The following COL2A1 variants were observed in gnomAD, a reference collection of about 807,000 sequenced individuals.
COL2A1 encodes the protein collagen alpha-1(II) chain.
A neutral mutation model predicts 204.5 loss-of-function variants in COL2A1; 28 were observed. The observed-to-expected ratio is 0.14, with a 90% CI of 0.10 to 0.19. The LOEUF (loss-of-function observed/expected upper bound fraction) is 0.19. Ranked by LOEUF, COL2A1 falls within the 10% of genes least tolerant of loss-of-function variation. The pLI is 1.00. For missense variants in COL2A1, 1,388 were observed against 2,027.5 expected (o/e 0.68, Z 6.06); for synonymous variants, 708 against 718.7 (o/e 0.99, Z 0.24).
At position 47,987,182 on chromosome 12, in the gene COL2A1, G is replaced by A; in HGVS notation, c.1267-6C>T. The stretch of plus-strand genomic sequence containing the variant: ...CCAGCAATGCCAGGAGCACCCTGTG[G>A]GCATGAGAAGAAGGGAGGGGTGTCA... On this transcript the variant is annotated splice_polypyrimidine_tract_variant and splice_region_variant and intron_variant, in intron 20 of 53. Coordinates refer to ENST00000380518, the MANE Select transcript of COL2A1 (RefSeq NM_001844.5). This position sits in a 1 kb window ranked among gnomAD's most constrained non-coding sequence, Gnocchi z 4.1. 1 of 1,613,966 alleles carries A rather than the reference G, an allele frequency of 6.2e-7. No homozygotes were observed. Among genetic ancestry groups the A allele is most frequent in the Middle Eastern group, 1.6e-4 (1 of 6,062 alleles).
intron 1 of COL2A1, among the ~76,000 whole-genome samples, chr12:48,000,547 G>A (rs1940186366): frequency 2.0e-5 from 3 of 152,126 alleles, no homozygotes; most frequent in South Asian, 4.1e-4. Flanking sequence ...GAAAAATGGC[G>A]AGACCTCCCT....
In COL2A1 at chr12:47,974,685, C is replaced by T. The variant is rs201646745; in HGVS notation, c.4064G>A (p.Gly1355Asp). The T allele has an allele frequency of 2.1e-4, 336 of 1,614,082 alleles. 1 individual carries two copies. Among genetic ancestry groups the T allele is most frequent in the Non-Finnish European group, 2.6e-4 (306 of 1,180,032 alleles). Reference sequence around the variant, plus strand: ...CACCCAGGTACTCACATGGAAGCCACCATTGATGGTTTCTCCAAACCAGAT... The same window carrying T: ...CACCCAGGTACTCACATGGAAGCCATCATTGATGGTTTCTCCAAACCAGAT... ...KHIWFGETIN[G>D]GFHFSYGDDN... The change falls in exon 52 of 54, where the codon GGT becomes GAT. Residue 1355 changes from glycine (G) to aspartate (D), a missense_variant. Transcript: ENST00000380518.
At chr12:47,993,610 A>G in intron 14 of COL2A1, 108 bp from the exon 15 acceptor site, 2 of 1,157,534 alleles carry the variant, frequency 1.7e-6, no homozygotes, top group Non-Finnish European at 2.6e-6. Flanking sequence ...GCACTGACAC[A>G]AACTTCAGTC....
chr12:48,001,834 C>G (rs1940249452), intron 1 of COL2A1, among the ~76,000 whole-genome samples: 1 of 152,254 alleles, frequency 6.6e-6, no homozygotes, highest in Non-Finnish European at 1.5e-5. Context: ...TGCTCCAAAA[C>G]GGCTGCCGAT....
chr12:47,981,834 G>A lies in COL2A1; in HGVS notation c.2356-5C>T, dbSNP rs41263863. On this transcript the variant is annotated splice_region_variant and splice_polypyrimidine_tract_variant and intron_variant, in intron 35 of 53. Coordinates refer to ENST00000380518, the MANE Select transcript of COL2A1 (RefSeq NM_001844.5). Reference sequence around the variant, plus strand: ...GCCAATGGGACCTGTCAGGCCCTGCGGGGAGAGCAGGTAGAGGTGAGGGAG... The same window carrying A: ...GCCAATGGGACCTGTCAGGCCCTGCAGGGAGAGCAGGTAGAGGTGAGGGAG... 2.6e-5 allele frequency: 41 copies of A among 1,553,668 alleles called. No homozygotes were observed. The highest frequency in any genetic ancestry group is 9.6e-5 in the African/African-American group (7 of 73,128).
chr12:47,984,099 G>A lies in COL2A1; in HGVS notation c.1929C>T (p.Pro643=), dbSNP rs375813386. Residue 643 remains proline (P), a synonymous_variant, in exon 29 of 54, where the codon CCC becomes CCT. Transcript: ENST00000380518. ...GGCAGGTACTTACAGCAGGGCCAGG[G>A]GGTCCTGCAGCACCTGTCTCACCAT... ...GKDGETGAAG[P]PGPAGPAGER... is the part of the protein sequence containing the mutation. 2 of 1,613,262 alleles carry A rather than the reference G, an allele frequency of 1.2e-6. No individual in the cohort carries two copies. The highest frequency in any genetic ancestry group is 1.7e-6 in the Non-Finnish European group (2 of 1,179,706).
At chr12:47,988,801 G>A (rs905475625) in intron 18 of COL2A1, among the ~76,000 whole-genome samples, 2 of 152,238 alleles carry the variant, frequency 1.3e-5, no homozygotes, top group Non-Finnish European at 2.9e-5. Flanking sequence ...CAGAAACCCA[G>A]AGGGGAGCAG....
chr12:47,994,535 G>A, intron 11 of COL2A1, 58 bp from the exon 12 acceptor site: 2 of 1,579,126 alleles, frequency 1.3e-6, no homozygotes, highest in African/African-American at 1.3e-5. Context: ...CATAGTGGGG[G>A]CACCCCAGAG....
chr12:47,976,482 C>G lies in COL2A1; in HGVS notation c.3489+32G>C, dbSNP rs766082340. 1 of 1,611,444 alleles carries G rather than the reference C, an allele frequency of 6.2e-7. No individual in the cohort carries two copies. The highest frequency in any genetic ancestry group is 8.5e-7 in the Non-Finnish European group (1 of 1,177,604). ...ACACAGGCCCACACTCTCTGAAGGGCCCCCTCCATCTTCCAACTCCATGTC... is the reference window on the plus strand; with the variant it reads ...ACACAGGCCCACACTCTCTGAAGGGGCCCCTCCATCTTCCAACTCCATGTC... On this transcript the variant is annotated intron_variant, in intron 49 of 53. Transcript: ENST00000380518. The surrounding 1 kb of genome is among the most constrained non-coding windows in gnomAD (Gnocchi z 4.3).
chr12:48,003,273 G>A (rs1940319483), intron 1 of COL2A1, among the ~76,000 whole-genome samples: 1 of 152,044 alleles, frequency 6.6e-6, no homozygotes, highest in South Asian at 2.1e-4. Context: ...TGTAGCAACC[G>A]TAGCAATCGA....
At chr12:48,001,636 G>A (rs1179042466) in intron 1 of COL2A1, among the ~76,000 whole-genome samples, 1 of 152,230 alleles carries the variant, frequency 6.6e-6, no homozygotes, top group African/African-American at 2.4e-5. Context: ...CGCCGGCGCA[G>A]GGGCGGGGCC....
chr12:47,976,696 G>A lies in COL2A1; in HGVS notation c.3435+116C>T. The A allele has an allele frequency of 7.2e-7, 1 of 1,379,718 alleles. No homozygotes were observed. Among genetic ancestry groups the A allele is most frequent in the Non-Finnish European group, 1.0e-6 (1 of 982,936 alleles). 85.5% of individuals were successfully genotyped at this position (1,379,718 alleles called of 1,614,324 possible). On this transcript the variant is annotated intron_variant, in intron 48 of 53. Transcript: ENST00000380518. The surrounding 1 kb of genome is among the most constrained non-coding windows in gnomAD (Gnocchi z 4.3). ...CACTTCCTCCTCCCTCCAGCCCTGA[G>A]GAAATCCTAGAAACTGCTTAGGGTG...
chr12:47,986,788 CAT>C, intron 22 of COL2A1, 45 bp downstream of exon 22: 1 of 1,610,088 alleles, frequency 6.2e-7, no homozygotes, highest in Non-Finnish European at 8.5e-7. Flanking sequence ...GCCTGTGCCT[CAT>C]AGAACAGCAG....
Position 47,983,803 on chromosome 12 carries a change from G to C in COL2A1, c.1942-67C>G, listed in dbSNP as rs1357724178. 12 of 1,522,306 alleles carry C rather than the reference G, an allele frequency of 7.9e-6. No homozygotes were observed. The East Asian group carries it at 2.9e-4, about 37-fold the overall frequency. The allele number at this position is 1,522,306 out of a possible 1,614,324, so 94.3% of individuals were successfully genotyped here. The stretch of plus-strand genomic sequence containing the variant: ...AGACCCTGAGAGCCACAGCTAGTAG[G>C]GCCCAGGGGAGGTCAGCAGGGTGGG... On this transcript the variant is annotated intron_variant, in intron 29 of 53. Transcript: ENST00000380518.
At chr12:48,001,918 A>G (rs570391421) in intron 1 of COL2A1, among the ~76,000 whole-genome samples, 3 of 152,288 alleles carry the variant, frequency 2.0e-5, no homozygotes, top group African/African-American at 7.2e-5. Context: ...TGGCAAGCCA[A>G]TTAAAAAGCT....
At chr12:47,983,513 G>A in intron 30 of COL2A1, 75 bp from the exon 31 acceptor site, 1 of 1,523,370 alleles carries the variant, frequency 6.6e-7, no homozygotes, top group Non-Finnish European at 9.1e-7. Context: ...ACAGTATAGG[G>A]CAGACCCAAA....
In COL2A1 at chr12:47,980,100, C is replaced by T. The variant is rs1183891952; in HGVS notation, c.2626-38G>A. On this transcript the variant is annotated intron_variant, in intron 39 of 53. Coordinates refer to ENST00000380518, the MANE Select transcript of COL2A1 (RefSeq NM_001844.5). This position sits in a 1 kb window ranked among gnomAD's most constrained non-coding sequence, Gnocchi z 4.5. Reference sequence around the variant, plus strand: ...GAGGGAGACAGTGAGGCCCAGTGGCCCAAGGAAGACGGTGGGCTTCTGTCT... The same window carrying T: ...GAGGGAGACAGTGAGGCCCAGTGGCTCAAGGAAGACGGTGGGCTTCTGTCT... 14 of 1,520,416 alleles carry T rather than the reference C, an allele frequency of 9.2e-6. No homozygotes were observed. Among genetic ancestry groups the T allele is most frequent in the East Asian group, 2.5e-5 (1 of 40,772 alleles). 94.2% of individuals were successfully genotyped at this position (1,520,416 alleles called of 1,614,324 possible). A position where few individuals can be genotyped will look rare whatever the true frequency, so the allele number is the denominator to read the frequency against.
At chr12:47,995,821 T>C (rs1156716483) in intron 9 of COL2A1, 54 bp downstream of exon 9, 4 of 1,609,466 alleles carry the variant, frequency 2.5e-6, no homozygotes, top group Non-Finnish European at 3.4e-6. Context: ...AACATCATAG[T>C]GCTTGGGAAT....
chr12:47,984,623 C>G (rs1939285656), intron 27 of COL2A1, 24 bp from the exon 28 acceptor site: 1 of 1,612,998 alleles, frequency 6.2e-7, no homozygotes, highest in Admixed American at 1.7e-5. Flanking sequence ...AGGGCAGGGC[C>G]ATGAGGCGGA....
Sources: gnomAD v4.1 joint callset for allele counts (sites outside exome capture counted in the v4.1 genomes callset) on GRCh38, gnomAD v4.1.1 for gene constraint, Gnocchi (gnomAD v3.1) non-coding constraint, MANE v1.5 for transcripts, NCBI Gene and HGNC (gene_info 2026-07-23, HGNC 2026-07-21) for gene names.